The following CDK15 variants were observed in gnomAD, a reference collection of about 807,000 sequenced individuals.
The protein encoded by CDK15 is cyclin dependent kinase 15.
Under a neutral mutation model 60.3 loss-of-function variants are expected in CDK15, and 62 were observed. That is an observed-to-expected ratio of 1.03 (90% CI 0.84 to 1.27). The LOEUF (loss-of-function observed/expected upper bound fraction) is 1.27, where lower values mean the gene tolerates loss of function less well. CDK15 is among the 50% of genes most tolerant of loss of function. The probability of loss-of-function intolerance (pLI) is 0.00; values close to 1 mark genes in which losing one functional copy is unlikely to be tolerated. For missense variants in CDK15, 541 were observed against 527.8 expected, an observed-to-expected ratio of 1.03 and a Z score of -0.25; for synonymous variants, 194 against 195.7, an observed-to-expected ratio of 0.99 and a Z score of 0.07.
intron 8 of CDK15, among the ~76,000 whole-genome samples, chr2:201,839,401 C>G (rs1245345056): frequency 6.6e-6 from 1 of 152,030 alleles, no homozygotes; most frequent in Non-Finnish European, 1.5e-5. Flanking sequence ...AGAAACCTGC[C>G]AACTAAATGT....
chr2:201,843,407 G>T (rs1440418620), intron 8 of CDK15, among the ~76,000 whole-genome samples: 1 of 151,986 alleles, frequency 6.6e-6, no homozygotes, highest in African/African-American at 2.4e-5. Context: ...GGCTGGTCTC[G>T]AACTGACCTC....
At chr2:201,839,427 A>G (rs1327402148) in intron 8 of CDK15, among the ~76,000 whole-genome samples, 1 of 152,154 alleles carries the variant, frequency 6.6e-6, no homozygotes, top group Non-Finnish European at 1.5e-5. Context: ...ATGGTCCTAG[A>G]TTGGATCTTG....
At chr2:201,830,713 G>A (rs1192803404) in intron 6 of CDK15, among the ~76,000 whole-genome samples, 1 of 152,208 alleles carries the variant, frequency 6.6e-6, no homozygotes, top group African/African-American at 2.4e-5. Flanking sequence ...AGAGTTCAGT[G>A]AATGACCGCT....
chr2:201,831,118 AAT>A (rs774075117), intron 6 of CDK15, among the ~76,000 whole-genome samples: 6 of 152,208 alleles, frequency 3.9e-5, no homozygotes, highest in Admixed American at 6.5e-5. Flanking sequence ...GAGGAAAAGG[AAT>A]AGTCAGAGGC....
chr2:201,888,073 G>C (rs931228155), intron 12 of CDK15, among the ~76,000 whole-genome samples: 3 of 142,796 alleles, frequency 2.1e-5, no homozygotes, highest in African/African-American at 7.9e-5. Context: ...CTCTTTTAGC[G>C]ATTATGGGCA....
chr2:201,813,757 G>A (rs886753515), intron 4 of CDK15, among the ~76,000 whole-genome samples: 2 of 152,206 alleles, frequency 1.3e-5, no homozygotes, highest in African/African-American at 4.8e-5. Flanking sequence ...CAGAAAATGA[G>A]TTTATAACTG....
chr2:201,888,805 A>C (rs557314946), intron 12 of CDK15: 2 of 1,143,442 alleles, frequency 1.7e-6, no homozygotes, highest in East Asian at 1.1e-4. Flanking sequence ...TTTTCATGCC[A>C]CTGTCCCCAA....
rs756148667 is a variant in CDK15 at position 201,806,638 on chromosome 2, G to C, written c.-27G>C. 32 of 1,559,286 alleles carry C rather than the reference G, an allele frequency of 2.1e-5. No homozygotes were observed. The South Asian group carries it at 3.1e-4, about 15-fold the overall frequency. ...GGCAGTGGGGGAAAGGTTCAAGTGC[G>C]GGTTTTCTCCTTGAACCTACAAGAT... On this transcript the variant is annotated 5_prime_UTR_variant, in exon 1 of 14. Transcript: ENST00000652192.
chr2:201,884,555 T>C (rs1230446913), intron 12 of CDK15, among the ~76,000 whole-genome samples: 3 of 152,208 alleles, frequency 2.0e-5, no homozygotes. Context: ...TCAGGCCTTC[T>C]TTGAGTGTTA....
At chr2:201,860,390 C>T (rs1289473799) in intron 10 of CDK15, among the ~76,000 whole-genome samples, 1 of 152,182 alleles carries the variant, frequency 6.6e-6, no homozygotes, top group African/African-American at 2.4e-5. Flanking sequence ...TCCTGATGTG[C>T]GTGCAAAGCA....
chr2:201,892,980 C>G (rs2105850648), intron 13 of CDK15, among the ~76,000 whole-genome samples: 1 of 152,268 alleles, frequency 6.6e-6, no homozygotes, highest in South Asian at 2.1e-4. Context: ...CTAAAATTTA[C>G]TGGATAGATA....
At chr2:201,875,118 C>G (rs1334534903) in intron 11 of CDK15, among the ~76,000 whole-genome samples, 2 of 152,134 alleles carry the variant, frequency 1.3e-5, no homozygotes, top group Admixed American at 6.5e-5. Flanking sequence ...TCACAAAACT[C>G]AATTTTCATT....
intron 10 of CDK15, among the ~76,000 whole-genome samples, chr2:201,859,130 A>G (rs1008834455): frequency 2.0e-5 from 3 of 152,124 alleles, no homozygotes; most frequent in African/African-American, 4.8e-5. Flanking sequence ...GTGAGTCTTA[A>G]TAATACTCCA....
At position 201,806,543 on chromosome 2, in the gene CDK15, A is replaced by G; in HGVS notation, c.-122A>G. 3.4e-6 allele frequency: 4 copies of G among 1,160,236 alleles called. No homozygotes were observed. The highest frequency in any genetic ancestry group is 4.6e-6 in the Non-Finnish European group (4 of 867,966). 71.9% of individuals were successfully genotyped at this position (1,160,236 alleles called of 1,614,324 possible). A position where few individuals can be genotyped will look rare whatever the true frequency, so the allele number is the denominator to read the frequency against. On this transcript the variant is annotated 5_prime_UTR_variant, in exon 1 of 14. Coordinates refer to ENST00000652192, the MANE Select transcript of CDK15 (RefSeq NM_001366386.2). ...TTGTGAGGCTGCTCCAGGCAGAGCC[A>G]TCATGTGAGTCATATGAAAGCTCCA...
At chr2:201,867,507 C>A (rs1484632961) in intron 10 of CDK15, among the ~76,000 whole-genome samples, 2 of 152,106 alleles carry the variant, frequency 1.3e-5, no homozygotes, top group Non-Finnish European at 2.9e-5. Flanking sequence ...CACTTATGAT[C>A]CCAGCTACTC....
intron 11 of CDK15, among the ~76,000 whole-genome samples, chr2:201,879,355 C>T (rs1024300696): frequency 2.6e-5 from 4 of 152,132 alleles, no homozygotes; most frequent in Non-Finnish European, 5.9e-5. Context: ...GCTTGCCACC[C>T]TTGGAGTCCA....
At chr2:201,846,357 G>A (rs1017398999) in intron 8 of CDK15, among the ~76,000 whole-genome samples, 20 of 152,140 alleles carry the variant, frequency 1.3e-4, no homozygotes, top group African/African-American at 4.6e-4. Flanking sequence ...GCCAGGCATG[G>A]TGGCAGGTGC....
chr2:201,839,286 C>G (rs1288168826), intron 8 of CDK15, among the ~76,000 whole-genome samples: 1 of 152,030 alleles, frequency 6.6e-6, no homozygotes, highest in East Asian at 1.9e-4. Flanking sequence ...TCAGATAAAC[C>G]TAGTTTAAGG....
At chr2:201,846,212 G>T (rs190019174) in intron 8 of CDK15, among the ~76,000 whole-genome samples, 66 of 152,262 alleles carry the variant, frequency 4.3e-4, no homozygotes, top group South Asian at 1.2e-3. Flanking sequence ...GTGCAGAATG[G>T]CCAGGCACAG....
Sources: gnomAD v4.1 joint callset for allele counts (sites outside exome capture counted in the v4.1 genomes callset) on GRCh38, gnomAD v4.1.1 for gene constraint, MANE v1.5 for transcripts, NCBI Gene and HGNC (gene_info 2026-07-23, HGNC 2026-07-21) for gene names.